The following SELENOH variants were observed in gnomAD, a reference collection of about 807,000 sequenced individuals.
SELENOH encodes the protein selenoprotein H.
SELENOH carries 13 observed loss-of-function variants against 11.9 expected under a neutral mutation model. That is an observed-to-expected ratio of 1.09 (90% CI 0.71 to 1.74). The LOEUF (loss-of-function observed/expected upper bound fraction) is 1.74, where lower values mean the gene tolerates loss of function less well. SELENOH is among the 40% of genes most tolerant of loss of function. SELENOH has a pLI of 0.00. For missense variants in SELENOH, 223 were observed against 170.3 expected, an observed-to-expected ratio of 1.31 and a Z score of -1.72; for synonymous variants, 96 against 73.5, an observed-to-expected ratio of 1.31 and a Z score of -1.56.
At position 57,741,941 on chromosome 11, in the gene SELENOH, C is replaced by T. The variant is rs1127680; in HGVS notation, c.255C>T (p.Arg85=). The T allele has an allele frequency of 6.5e-3, 10,385 of 1,588,438 alleles. 157 individuals are homozygous for T. Among genetic ancestry groups the T allele is most frequent in the Middle Eastern group, 0.03 (178 of 5,920 alleles). The change falls in exon 2 of 4, where the codon CGC becomes CGT. Residue 85 remains arginine (R), a synonymous_variant. Coordinates refer to ENST00000534355, the MANE Select transcript of SELENOH (RefSeq NM_170746.4). ...GCAGCTTCGAGGTGACGCTGCTGCG[C>T]CCGGACGGCAGCAGTAAGTGGGGAC... ...RRGSFEVTLL[R]PDGSSAELWT...
rs760801933 is a variant in SELENOH at position 57,742,220 on chromosome 11, A to T, written c.*3A>T. 1.2e-5 allele frequency: 19 copies of T among 1,601,912 alleles called. No homozygotes were observed. In the South Asian group the frequency reaches 2.1e-4, roughly 18 times the overall value. Reference sequence around the variant, plus strand: ...AGTTGAAGAAGTACCTGTCGTAGGGAGATTTGGGTAGAAGCCCTCATGCTG... The same window carrying T: ...AGTTGAAGAAGTACCTGTCGTAGGGTGATTTGGGTAGAAGCCCTCATGCTG... On this transcript the variant is annotated 3_prime_UTR_variant, in exon 3 of 4. Coordinates refer to ENST00000534355, the MANE Select transcript of SELENOH (RefSeq NM_170746.4).
Position 57,741,853 on chromosome 11 carries a change from A to G in SELENOH, c.167A>G (p.Gln56Arg). The G allele has an allele frequency of 1.9e-6, 3 of 1,605,774 alleles. No homozygotes were observed. Among genetic ancestry groups the G allele is most frequent in the Non-Finnish European group, 1.7e-6 (2 of 1,176,824 alleles). The change falls in exon 2 of 4, where the codon CAG (glutamine) becomes CGG (arginine). Residue 56 changes from glutamine (Q) to arginine (R), a missense_variant. Transcript: ENST00000534355. Reference protein sequence around the residue: ...VYGRNAAALSQALRLEAPELP... With the variant: ...VYGRNAAALSRALRLEAPELP... ...GGGCGCAACGCCGCGGCCCTGAGCC[A>G]GGCGCTGCGCCTGGAGGCCCCAGAG...
At position 57,741,539 on chromosome 11, in the gene SELENOH, G is replaced by A. The variant is rs572613984; in HGVS notation, c.-57G>A. ...GTTGCCCAGTTTCCGCTCAGTGGTCGCGTCTCCGCCCCCCACCCACCAGTC... is the reference window on the plus strand; with the variant it reads ...GTTGCCCAGTTTCCGCTCAGTGGTCACGTCTCCGCCCCCCACCCACCAGTC... On this transcript the variant is annotated 5_prime_UTR_variant, in exon 1 of 4. Coordinates refer to ENST00000534355, the MANE Select transcript of SELENOH (RefSeq NM_170746.4). The A allele has an allele frequency of 1.8e-5, 22 of 1,233,832 alleles. No individual in the cohort carries two copies. The South Asian group carries it at 9.2e-4, about 52-fold the overall frequency. 76.4% of individuals were successfully genotyped at this position (1,233,832 alleles called of 1,614,324 possible). A position where few individuals can be genotyped will look rare whatever the true frequency, so the allele number is the denominator to read the frequency against.
At position 57,741,697 on chromosome 11, in the gene SELENOH, G is replaced by T. The variant is rs1197700072; in HGVS notation, c.102G>T (p.Ala34=). ...LANGGEGMEE[A]TVVIEHCTSU... is the part of the protein sequence containing the mutation. ...ACGGCGGGGAGGGAATGGAGGAGGC[G>T]ACCGTTGTTATCGAGCATTGGTGAG... The change falls in exon 1 of 4, where the codon GCG becomes GCT. Residue 34 remains alanine (A), a synonymous_variant. Transcript: ENST00000534355. 3 of 1,536,594 alleles carry T rather than the reference G, an allele frequency of 2.0e-6. No homozygotes were observed. The highest frequency in any genetic ancestry group is 1.2e-5 in the South Asian group (1 of 81,990).
At position 57,743,044 on chromosome 11, in the gene SELENOH, G is replaced by A. The variant is rs778789509; in HGVS notation, c.*212G>A. ...ATAAAAGTTGAAATAAAGTATTTGA[G>A]TAATAGAGTAAAACTTAATCTTAAG... On this transcript the variant is annotated 3_prime_UTR_variant, in exon 4 of 4. Coordinates refer to ENST00000534355, the MANE Select transcript of SELENOH (RefSeq NM_170746.4). The A allele has an allele frequency of 1.3e-5, 2 of 152,624 alleles. No individual in the cohort carries two copies. The highest frequency in any genetic ancestry group is 2.9e-5 in the Non-Finnish European group (2 of 68,050). 9.5% of individuals were successfully genotyped at this position (152,624 alleles called of 1,614,324 possible). A position where few individuals can be genotyped will look rare whatever the true frequency, so the allele number is the denominator to read the frequency against.
intron 3 of SELENOH, 186 bp downstream of exon 3, chr11:57,742,433 GAC>G: frequency 1.8e-6 from 1 of 566,458 alleles, no homozygotes; most frequent in Non-Finnish European, 3.1e-6. Flanking sequence ...ACAAAAAAAA[GAC>G]ACAATATTGT....
At chr11:57,741,977 G>T (rs1487052254) in intron 2 of SELENOH, 23 bp downstream of exon 2, 3 of 1,581,770 alleles carry the variant, frequency 1.9e-6, no homozygotes, top group African/African-American at 2.7e-5. Context: ...CTGGATGTGG[G>T]GGAGAGGGAC....
In SELENOH at chr11:57,741,890, G is replaced by T. The variant is rs746001100; in HGVS notation, c.204G>T (p.Lys68Asn). ...LRLEAPELPV[K>N]VNPTKPRRGS... Reference sequence around the variant, plus strand: ...TGGAGGCCCCAGAGCTTCCAGTAAAGGTGAACCCGACGAAGCCCCGGAGGG... The same window carrying T: ...TGGAGGCCCCAGAGCTTCCAGTAAATGTGAACCCGACGAAGCCCCGGAGGG... The change falls in exon 2 of 4, where the codon AAG becomes AAT. Residue 68 changes from lysine (K) to asparagine (N), a missense_variant. Coordinates refer to ENST00000534355, the MANE Select transcript of SELENOH (RefSeq NM_170746.4). The T allele has an allele frequency of 6.3e-7, 1 of 1,594,704 alleles. No homozygotes were observed. Among genetic ancestry groups the T allele is most frequent in the South Asian group, 1.1e-5 (1 of 87,946 alleles).
In SELENOH at chr11:57,741,553, C is replaced by G. The variant is rs759861926; in HGVS notation, c.-43C>G. On this transcript the variant is annotated 5_prime_UTR_variant, in exon 1 of 4. Transcript: ENST00000534355. ...GCTCAGTGGTCGCGTCTCCGCCCCC[C>G]ACCCACCAGTCCCGCTGCATTCTCG... 2 of 1,244,870 alleles carry G rather than the reference C, an allele frequency of 1.6e-6. No individual in the cohort carries two copies. The highest frequency in any genetic ancestry group is 1.0e-6 in the Non-Finnish European group (1 of 988,034). The allele number at this position is 1,244,870 out of a possible 1,614,324, so 77.1% of individuals were successfully genotyped here. A position where few individuals can be genotyped will look rare whatever the true frequency, so the allele number is the denominator to read the frequency against.
At position 57,741,553 on chromosome 11, in the gene SELENOH, C is replaced by T. The variant is rs759861926; in HGVS notation, c.-43C>T. ...GCTCAGTGGTCGCGTCTCCGCCCCCCACCCACCAGTCCCGCTGCATTCTCG... is the reference window on the plus strand; with the variant it reads ...GCTCAGTGGTCGCGTCTCCGCCCCCTACCCACCAGTCCCGCTGCATTCTCG... On this transcript the variant is annotated 5_prime_UTR_variant, in exon 1 of 4. Transcript: ENST00000534355. 2.4e-6 allele frequency: 3 copies of T among 1,244,750 alleles called. No homozygotes were observed. The highest frequency in any genetic ancestry group is 3.1e-4 in the Middle Eastern group (1 of 3,234). The allele number at this position is 1,244,750 out of a possible 1,614,324, so 77.1% of individuals were successfully genotyped here. A position where few individuals can be genotyped will look rare whatever the true frequency, so the allele number is the denominator to read the frequency against.
Position 57,741,925 on chromosome 11 carries a change from A to T in SELENOH, c.239A>T (p.Glu80Val), listed in dbSNP as rs185768359. Residue 80 changes from glutamate to valine, a missense_variant, in exon 2 of 4, where the codon GAG becomes GTG. Coordinates refer to ENST00000534355, the MANE Select transcript of SELENOH (RefSeq NM_170746.4). ...ACGAAGCCCCGGAGGGGCAGCTTCGAGGTGACGCTGCTGCGCCCGGACGGC... is the reference window on the plus strand; with the variant it reads ...ACGAAGCCCCGGAGGGGCAGCTTCGTGGTGACGCTGCTGCGCCCGGACGGC... ...NPTKPRRGSF[E>V]VTLLRPDGSS... 5,112 of 1,591,384 alleles carry T rather than the reference A, an allele frequency of 3.2e-3. 13 individuals carry two copies. Among genetic ancestry groups the T allele is most frequent in the Non-Finnish European group, 3.9e-3 (4,544 of 1,173,380 alleles).
Position 57,741,875 on chromosome 11 carries a change from A to G in SELENOH, c.189A>G (p.Pro63=). ...ALSQALRLEA[P]ELPVKVNPTK... ...GCCAGGCGCTGCGCCTGGAGGCCCC[A>G]GAGCTTCCAGTAAAGGTGAACCCGA... Residue 63 remains proline (P), a synonymous_variant, in exon 2 of 4, where the codon CCA becomes CCG. Coordinates refer to ENST00000534355, the MANE Select transcript of SELENOH (RefSeq NM_170746.4). The G allele has an allele frequency of 5.6e-6, 9 of 1,600,342 alleles. No individual in the cohort carries two copies. Among genetic ancestry groups the G allele is most frequent in the Non-Finnish European group, 7.7e-6 (9 of 1,175,948 alleles).
At position 57,743,395 on chromosome 11, in the gene SELENOH, G is replaced by C. The variant is rs983794170; in HGVS notation, c.*563G>C. 1 of 152,116 alleles carries C rather than the reference G, an allele frequency of 6.6e-6. No homozygotes were observed. Among genetic ancestry groups the C allele is most frequent in the African/African-American group, 2.4e-5 (1 of 41,410 alleles). The allele number at this position is 152,116 out of a possible 1,614,324, so 9.4% of individuals were successfully genotyped here. ...GCTGGTCTCAAACTCCTGACCTCAA[G>C]TGATATGCCTGCCTTGACCTCCCAA... is the stretch of plus-strand genomic sequence containing the variant. On this transcript the variant is annotated 3_prime_UTR_variant, in exon 4 of 4. Coordinates refer to ENST00000534355, the MANE Select transcript of SELENOH (RefSeq NM_170746.4).
rs930564522 is a variant in SELENOH at position 57,741,634 on chromosome 11, G to T, written c.39G>T (p.Ala13=). 7.8e-7 allele frequency: 1 copy of T among 1,288,498 alleles called. No homozygotes were observed. The highest frequency in any genetic ancestry group is 1.0e-6 in the Non-Finnish European group (1 of 996,496). 79.8% of individuals were successfully genotyped at this position (1,288,498 alleles called of 1,614,324 possible). The part of the protein sequence containing the change: ...PRGRKRKAEA[A]VVAVAEKREK... ...GGAGGAAGCGTAAGGCTGAGGCCGC[G>T]GTGGTCGCCGTAGCCGAGAAGCGAG... The change falls in exon 1 of 4, where the codon GCG becomes GCT. Residue 13 remains alanine, a synonymous_variant. Transcript: ENST00000534355.
In SELENOH at chr11:57,743,363, T is replaced by A. The variant is rs1300240080; in HGVS notation, c.*531T>A. The A allele has an allele frequency of 1.3e-5, 2 of 152,164 alleles. No homozygotes were observed. Among genetic ancestry groups the A allele is most frequent in the African/African-American group, 2.4e-5 (1 of 41,430 alleles). 9.4% of individuals were successfully genotyped at this position (152,164 alleles called of 1,614,324 possible). A position where few individuals can be genotyped will look rare whatever the true frequency, so the allele number is the denominator to read the frequency against. On this transcript the variant is annotated 3_prime_UTR_variant, in exon 4 of 4. Transcript: ENST00000534355. Reference sequence around the variant, plus strand: ...TAGTAAAGGCGGGGTTTCACCATGTTGGCCAGGCTGGTCTCAAACTCCTGA... The same window carrying A: ...TAGTAAAGGCGGGGTTTCACCATGTAGGCCAGGCTGGTCTCAAACTCCTGA...
chr11:57,741,791 C>T lies in SELENOH; in HGVS notation c.123-18C>T, dbSNP rs1949083129. ...GGGGCCAGGGGCCCCGGTTTCTAAC[C>T]TCTCCGTCTCTCCCTAGCACTAGCT... On this transcript the variant is annotated intron_variant, in intron 1 of 3. Transcript: ENST00000534355. 3 of 1,603,312 alleles carry T rather than the reference C, an allele frequency of 1.9e-6. No homozygotes were observed. The highest frequency in any genetic ancestry group is 2.6e-6 in the Non-Finnish European group (3 of 1,175,216).
chr11:57,742,150 C>T lies in SELENOH; in HGVS notation c.302C>T (p.Pro101Leu). The change falls in exon 3 of 4, where the codon CCC becomes CTC. Residue 101 changes from proline (P) to leucine (L), a missense_variant. Coordinates refer to ENST00000534355, the MANE Select transcript of SELENOH (RefSeq NM_170746.4). ...AELWTGIKKG[P>L]PRKLKFPEPQ... is the part of the protein sequence containing the mutation. ...CTCTGGACTGGGATTAAGAAGGGGCCCCCACGCAAACTCAAATTCCCTGAG... is the reference window on the plus strand; with the variant it reads ...CTCTGGACTGGGATTAAGAAGGGGCTCCCACGCAAACTCAAATTCCCTGAG... 1 of 1,612,042 alleles carries T rather than the reference C, an allele frequency of 6.2e-7. No homozygotes were observed. The highest frequency in any genetic ancestry group is 8.5e-7 in the Non-Finnish European group (1 of 1,179,160).
rs748702510 is a variant in SELENOH, at chr11:57,741,701, G to C, written c.106G>C (p.Val36Leu). Residue 36 changes from valine (V) to leucine (L), a missense_variant, in exon 1 of 4, where the codon GTT becomes CTT. Transcript: ENST00000534355. Reference protein sequence around the residue: ...NGGEGMEEATVVIEHCTSURV... With the variant: ...NGGEGMEEATLVIEHCTSURV... ...CGGGGAGGGAATGGAGGAGGCGACC[G>C]TTGTTATCGAGCATTGGTGAGGGGC... 2 of 1,547,080 alleles carry C rather than the reference G, an allele frequency of 1.3e-6. No individual in the cohort carries two copies. The highest frequency in any genetic ancestry group is 8.7e-7 in the Non-Finnish European group (1 of 1,151,182).
chr11:57,742,263 T>G lies in SELENOH; in HGVS notation c.*30+16T>G, dbSNP rs1565240717. 1.3e-6 allele frequency: 2 copies of G among 1,522,778 alleles called. No homozygotes were observed. Among genetic ancestry groups the G allele is most frequent in the South Asian group, 2.4e-5 (2 of 84,598 alleles). The allele number at this position is 1,522,778 out of a possible 1,614,324, so 94.3% of individuals were successfully genotyped here. ...TCATGCTGAGGTTTGAAATGGGAAG[T>G]GGGGGGCGCGACCGCTGTTGAGGAA... is the stretch of plus-strand genomic sequence containing the variant. On this transcript the variant is annotated intron_variant, in intron 3 of 3. Transcript: ENST00000534355.
Sources: gnomAD v4.1 joint callset for allele counts on GRCh38, gnomAD v4.1.1 for gene constraint, MANE v1.5 for transcripts, NCBI Gene and HGNC (gene_info 2026-07-23, HGNC 2026-07-21) for gene names.